Variants in SDAD1 observed in about 807,000 individuals in gnomAD.
SDAD1 encodes the protein SDA1 domain containing 1.
SDAD1 carries 79 observed loss-of-function variants against 100.3 expected under a neutral mutation model. The observed-to-expected ratio is 0.79, with a 90% CI of 0.66 to 0.95. The LOEUF is 0.95. Ranked by LOEUF, SDAD1 falls within the 40% of genes least tolerant of loss-of-function variation. SDAD1 has a pLI of 0.00. For synonymous variants in SDAD1, 267 were observed against 271.4 expected (o/e 0.98, Z 0.16); for missense variants, 790 against 810.9 (o/e 0.97, Z 0.31).
chr4:75,957,876 G>A lies in SDAD1; in HGVS notation c.1549C>T (p.His517Tyr). The change falls in exon 18 of 22, where the codon CAC becomes TAC. Residue 517 changes from histidine to tyrosine, a missense_variant. Transcript: ENST00000356260. ...DADGEWIDVQ[H>Y]SSDEEQQEIS... The stretch of plus-strand genomic sequence containing the variant: ...TCTTGCTGTTCTTCATCGGAAGAGT[G>A]TTGCACATCAATCCATTCACCATCA... The A allele has an allele frequency of 6.2e-7, 1 of 1,613,802 alleles. No individual in the cohort carries two copies. Among genetic ancestry groups the A allele is most frequent in the African/African-American group, 1.3e-5 (1 of 75,026 alleles).
intron 20 of SDAD1, among the ~76,000 whole-genome samples, chr4:75,956,614 A>G (rs1728911649): frequency 6.6e-6 from 1 of 152,226 alleles, no homozygotes; most frequent in South Asian, 2.1e-4. Flanking sequence ...GGCAGGACAC[A>G]GACATGAGCA....
At chr4:75,965,903 T>G in intron 12 of SDAD1, 81 bp from the exon 13 acceptor site, 1 of 1,167,116 alleles carries the variant, frequency 8.6e-7, no homozygotes, top group Non-Finnish European at 1.3e-6. Flanking sequence ...GGCAAGCTCA[T>G]TCTGGTCTAA....
At chr4:75,956,588 T>C (rs1728910787) in intron 20 of SDAD1, among the ~76,000 whole-genome samples, 1 of 151,524 alleles carries the variant, frequency 6.6e-6, no homozygotes. Context: ...ATACAGAAAA[T>C]GATGTTGGAA....
intron 15 of SDAD1, 53 bp from the exon 16 acceptor site, chr4:75,961,157 TA>T (rs1194477118): frequency 5.4e-5 from 86 of 1,600,304 alleles, no homozygotes; most frequent in Non-Finnish European, 7.3e-5. Flanking sequence ...TACAATGAGG[TA>T]AAAAGGAGTC....
intron 12 of SDAD1, 53 bp from the exon 13 acceptor site, chr4:75,965,875 G>A (rs1578126322): frequency 1.4e-6 from 2 of 1,443,260 alleles, no homozygotes; most frequent in East Asian, 2.3e-5. Context: ...CCCTGCCTCT[G>A]AGGACCACAG....
At chr4:75,982,091 T>A in intron 1 of SDAD1, 54 bp from the exon 2 acceptor site, 1 of 1,052,920 alleles carries the variant, frequency 9.5e-7, no homozygotes, top group Non-Finnish European at 1.4e-6. Context: ...ACTTTCTCAG[T>A]ACAGACATTC....
In SDAD1 at chr4:75,960,091, T is replaced by C. The variant is rs561522034; in HGVS notation, c.1458A>G (p.Lys486=). 3.4e-5 allele frequency: 54 copies of C among 1,609,848 alleles called. No individual in the cohort carries two copies. In the South Asian group the frequency reaches 5.8e-4, roughly 17 times the overall value. Residue 486 remains lysine, a synonymous_variant, in exon 17 of 22, where the codon AAA becomes AAG. Transcript: ENST00000356260. ...IPGAEVLEVE[K]EENAENDEDG... ...CTTCATCATTTTCAGCATTCTCTTC[T>C]TTCTCAACTTCCAGAACTTCTGCTC...
Position 75,957,945 on chromosome 4 carries a change from C to A in SDAD1, c.1484-4G>T, listed in dbSNP as rs745736002. 1 of 1,611,990 alleles carries A rather than the reference C, an allele frequency of 6.2e-7. No homozygotes were observed. Among genetic ancestry groups the A allele is most frequent in the Non-Finnish European group, 8.5e-7 (1 of 1,179,742 alleles). Reference sequence around the variant, plus strand: ...AGACTGGTACTTTCCCATCCATCTGCGTGAAAAAAGCAAACCCACTACTGC... The same window carrying A: ...AGACTGGTACTTTCCCATCCATCTGAGTGAAAAAAGCAAACCCACTACTGC... On this transcript the variant is annotated splice_polypyrimidine_tract_variant and splice_region_variant and intron_variant, in intron 17 of 21. Transcript: ENST00000356260.
intron 21 of SDAD1, among the ~76,000 whole-genome samples, chr4:75,954,426 G>A (rs1224793573): frequency 1.3e-5 from 2 of 151,206 alleles, no homozygotes; most frequent in East Asian, 3.9e-4. Flanking sequence ...TAATCCTAGC[G>A]CTATGGGAGG....
At position 75,961,030 on chromosome 4, in the gene SDAD1, G is replaced by A. The variant is rs778878588; in HGVS notation, c.1354C>T (p.Arg452Trp). Residue 452 changes from arginine to tryptophan, a missense_variant and splice_region_variant, in exon 16 of 22, where the codon CGG becomes TGG. Arg to Trp is a moderately radical substitution (Grantham distance 101). Transcript: ENST00000356260. ...LNPQMLQKKF[R>W]GKPTEASIEA... is the part of the protein sequence containing the mutation. ...CAACATAAGTGTGCTTTACCTACCC[G>A]GAATTTCTTCTGCAGCATCTGAGGA... is the stretch of plus-strand genomic sequence containing the variant. The A allele has an allele frequency of 3.4e-5, 55 of 1,613,228 alleles. No homozygotes were observed. In the East Asian group the frequency reaches 4.2e-4, roughly 12 times the overall value.
chr4:75,970,478 T>TAAA, intron 9 of SDAD1, 100 bp from the exon 10 acceptor site: 2 of 798,394 alleles, frequency 2.5e-6, no homozygotes, highest in Non-Finnish European at 3.8e-6. Flanking sequence ...TTAGACTCTT[T>TAAA]AAAAAGAAAA....
rs982299597 is a variant in SDAD1, at chr4:75,974,089, G to C, written c.623C>G (p.Ser208Cys). The C allele has an allele frequency of 1.9e-6, 3 of 1,613,778 alleles. No homozygotes were observed. Among genetic ancestry groups the C allele is most frequent in the Non-Finnish European group, 2.5e-6 (3 of 1,179,786 alleles). Residue 208 changes from serine to cysteine, a missense_variant, in exon 7 of 22, where the codon TCT (serine) becomes TGT (cysteine). Physicochemically the swap from Ser to Cys is moderately radical, Grantham distance 112 (BLOSUM62 -1). Coordinates refer to ENST00000356260, the MANE Select transcript of SDAD1 (RefSeq NM_018115.4). ...ATAGGTGCTCACCTTGGTGACCTTA[G>C]AGAAACATGCAGTTGTGATAACATT... is the stretch of plus-strand genomic sequence containing the variant. ...TVNVITTACF[S>C]KVTKILVAAL...
intron 1 of SDAD1, among the ~76,000 whole-genome samples, chr4:75,984,677 C>A (rs1730761991): frequency 6.6e-6 from 1 of 151,990 alleles, no homozygotes; most frequent in African/African-American, 2.4e-5. Flanking sequence ...TGTTGGAATT[C>A]ACCAGGCCTC....
chr4:75,985,960 A>T (rs1332047915), intron 1 of SDAD1, among the ~76,000 whole-genome samples: 1 of 152,074 alleles, frequency 6.6e-6, no homozygotes, highest in Non-Finnish European at 1.5e-5. Flanking sequence ...CAATCATTAT[A>T]ATCACCTCCA....
At chr4:75,959,777 A>G (rs781297144) in intron 17 of SDAD1, among the ~76,000 whole-genome samples, 1 of 152,182 alleles carries the variant, frequency 6.6e-6, no homozygotes, top group South Asian at 2.1e-4. Flanking sequence ...AATTTTTTCT[A>G]GGCAACAAAC....
chr4:75,953,289 C>T (rs1288054939), intron 21 of SDAD1, among the ~76,000 whole-genome samples: 1 of 152,072 alleles, frequency 6.6e-6, no homozygotes, highest in Non-Finnish European at 1.5e-5. Context: ...CCAGAAAAGG[C>T]ATGCTAAAAA....
intron 1 of SDAD1, among the ~76,000 whole-genome samples, chr4:75,989,420 T>G (rs1483704950): frequency 1.3e-5 from 2 of 152,224 alleles, no homozygotes; most frequent in Non-Finnish European, 2.9e-5. Context: ...TGAATGTAAG[T>G]CCAAGAGAAG....
At chr4:75,966,685 T>C (rs1434250210) in intron 12 of SDAD1, among the ~76,000 whole-genome samples, 1 of 152,236 alleles carries the variant, frequency 6.6e-6, no homozygotes, top group Non-Finnish European at 1.5e-5. Flanking sequence ...CAATAAAACG[T>C]CAATTTTTTA....
intron 1 of SDAD1, among the ~76,000 whole-genome samples, chr4:75,989,906 TAAGTA>T (rs1731138849): frequency 6.6e-6 from 1 of 152,032 alleles, no homozygotes; most frequent in African/African-American, 2.4e-5. Flanking sequence ...AATGAAAAAA[TAAGTA>T]ATTGTGTTAG....
Sources: allele counts gnomAD v4.1 joint callset (sites outside exome capture counted in the v4.1 genomes callset), GRCh38; gene constraint gnomAD v4.1.1; transcripts MANE v1.5; gene names NCBI Gene and HGNC (gene_info 2026-07-23, HGNC 2026-07-21).